Variants in LHX2 observed in about 807,000 individuals in gnomAD.
The protein encoded by LHX2 is LIM/homeobox protein Lhx2.
LHX2 carries 6 observed loss-of-function variants against 33.0 expected under a neutral mutation model. That is an observed-to-expected ratio of 0.18 (90% CI 0.10 to 0.36). The LOEUF is 0.36. Ranked by LOEUF, LHX2 falls within the 10% of genes least tolerant of loss-of-function variation. LHX2 has a pLI of 1.00. For missense variants in LHX2, 442 were observed against 586.2 expected (o/e 0.75, Z 2.54); for synonymous variants, 292 against 253.1 (o/e 1.15, Z -1.46).
chr9:124,013,730 G>A (rs2118744363), intron 1 of LHX2, among the ~76,000 whole-genome samples: 1 of 152,396 alleles, frequency 6.6e-6, no homozygotes, highest in Admixed American at 6.5e-5. Flanking sequence ...CAGGAGCCCG[G>A]CCTGGGCCCG....
rs142667113 is a variant in LHX2 at position 124,030,771 on chromosome 9, A to G, written c.934-1649A>G. On this transcript the variant is annotated intron_variant, in intron 4 of 4. Coordinates refer to ENST00000373615, the MANE Select transcript of LHX2 (RefSeq NM_004789.4). ...CTCAGCCTCCCGAGTAGCTGAGGTTACAGGAGCGCACCATCACACCCAGCT... is the reference window on the plus strand; with the variant it reads ...CTCAGCCTCCCGAGTAGCTGAGGTTGCAGGAGCGCACCATCACACCCAGCT... Among the ~76,000 whole-genome samples, 1,296 of 151,034 alleles carry G rather than the reference A, an allele frequency of 8.6e-3. 14 individuals carry two copies. Among genetic ancestry groups the G allele is most frequent in the African/African-American group, 0.03 (1,248 of 41,060 alleles).
At chr9:124,013,042 C>T (rs996191117) in intron 1 of LHX2, among the ~76,000 whole-genome samples, 4 of 152,250 alleles carry the variant, frequency 2.6e-5, no homozygotes, top group Non-Finnish European at 5.9e-5. Flanking sequence ...GTTCAGGCTC[C>T]GGCCTGGCCC....
rs1859100398 is a variant in LHX2, at chr9:124,012,172, C to T, written c.-177C>T. The T allele has an allele frequency of 2.4e-6, 1 of 424,786 alleles. No homozygotes were observed. The allele number at this position is 424,786 out of a possible 1,614,324, so 26.3% of individuals were successfully genotyped here. On this transcript the variant is annotated 5_prime_UTR_variant, in exon 1 of 5. Coordinates refer to ENST00000373615, the MANE Select transcript of LHX2 (RefSeq NM_004789.4). The surrounding 1 kb of genome is among the most constrained non-coding windows in gnomAD (Gnocchi z 4.3). ...CTGCGCCTCGGCGGGAGGCGTCCTG[C>T]CCCGCGAGCGCCCGGGGCCCGGAGC... is the stretch of plus-strand genomic sequence containing the variant.
chr9:124,024,085 GC>G (rs1828566551), intron 4 of LHX2, among the ~76,000 whole-genome samples: 1 of 152,240 alleles, frequency 6.6e-6, no homozygotes, highest in Non-Finnish European at 1.5e-5. Flanking sequence ...TCTTCTTTGA[GC>G]CAATCTGGCA....
intron 4 of LHX2, among the ~76,000 whole-genome samples, chr9:124,030,090 C>T (rs1202561316): frequency 6.6e-6 from 1 of 152,236 alleles, no homozygotes; most frequent in African/African-American, 2.4e-5. Context: ...GTGCCTTCTT[C>T]CTGGGAAGAT....
intron 3 of LHX2, among the ~76,000 whole-genome samples, chr9:124,018,329 G>T (rs1408147843): frequency 1.3e-5 from 2 of 148,418 alleles, no homozygotes; most frequent in Admixed American, 1.3e-4. Context: ...TCGGCCCCTC[G>T]CTCCTCCCCG....
intron 4 of LHX2, among the ~76,000 whole-genome samples, chr9:124,031,120 G>C (rs557406006): frequency 6.6e-6 from 1 of 152,124 alleles, no homozygotes; most frequent in East Asian, 1.9e-4. Context: ...AAGTCGATAC[G>C]GGATGCAGCA....
chr9:124,032,324 C>T lies in LHX2; in HGVS notation c.934-96C>T. 7.2e-7 allele frequency: 1 copy of T among 1,385,256 alleles called. No homozygotes were observed. The highest frequency in any genetic ancestry group is 2.4e-5 in the East Asian group (1 of 41,056). 85.8% of individuals were successfully genotyped at this position (1,385,256 alleles called of 1,614,324 possible). On this transcript the variant is annotated intron_variant, in intron 4 of 4. Transcript: ENST00000373615. This position sits in a 1 kb window ranked among gnomAD's most constrained non-coding sequence, Gnocchi z 4.1. Reference sequence around the variant, plus strand: ...TGGATCCTCTTGGCAAAACACAGATCAGCGTCCCCAGAGGCAGCAGAGCTC... The same window carrying T: ...TGGATCCTCTTGGCAAAACACAGATTAGCGTCCCCAGAGGCAGCAGAGCTC...
chr9:124,031,062 TCAGA>T (rs1340628551), intron 4 of LHX2, among the ~76,000 whole-genome samples: 7 of 152,294 alleles, frequency 4.6e-5, no homozygotes, highest in Non-Finnish European at 1.0e-4. Context: ...GACATTCTTT[TCAGA>T]CAGAGCTCAG....
At chr9:124,013,919 C>T in intron 1 of LHX2, 42 bp from the exon 2 acceptor site, 1 of 1,587,432 alleles carries the variant, frequency 6.3e-7, no homozygotes, top group Non-Finnish European at 8.6e-7. Context: ...GGGCCGCTGG[C>T]TGACGCAGGC....
At position 124,012,068 on chromosome 9, in the gene LHX2, C is replaced by T. The variant is rs1159045165; in HGVS notation, c.-281C>T. 5.5e-5 allele frequency: 9 copies of T among 164,578 alleles called. No individual in the cohort carries two copies. Among genetic ancestry groups the T allele is most frequent in the Non-Finnish European group, 7.9e-5 (6 of 76,326 alleles). The allele number at this position is 164,578 out of a possible 1,614,324, so 10.2% of individuals were successfully genotyped here. A position where few individuals can be genotyped will look rare whatever the true frequency, so the allele number is the denominator to read the frequency against. On this transcript the variant is annotated 5_prime_UTR_variant, in exon 1 of 5. Coordinates refer to ENST00000373615, the MANE Select transcript of LHX2 (RefSeq NM_004789.4). This position sits in a 1 kb window ranked among gnomAD's most constrained non-coding sequence, Gnocchi z 4.3. ...CCGACCTCTGTCCTAGTCTCCTGCT[C>T]CCCCCGCCCCGCTTGTCCCGTGCCC...
At chr9:124,028,432 G>C (rs902848181) in intron 4 of LHX2, among the ~76,000 whole-genome samples, 1 of 152,190 alleles carries the variant, frequency 6.6e-6, no homozygotes, top group Non-Finnish European at 1.5e-5. Context: ...GGTGGGTGGG[G>C]CAGACTGCAC....
Position 124,015,646 on chromosome 9 carries a change from G to T in LHX2, c.727+121G>T. Reference sequence around the variant, plus strand: ...AATAGCGAGCCTTAAGCACCGGACGGCCTCGCAGAAGGGACATTAGCCCCC... The same window carrying T: ...AATAGCGAGCCTTAAGCACCGGACGTCCTCGCAGAAGGGACATTAGCCCCC... On this transcript the variant is annotated intron_variant, in intron 3 of 4. Coordinates refer to ENST00000373615, the MANE Select transcript of LHX2 (RefSeq NM_004789.4). The surrounding 1 kb of genome is among the most constrained non-coding windows in gnomAD (Gnocchi z 7.9). 8.6e-7 allele frequency: 1 copy of T among 1,165,822 alleles called. No homozygotes were observed. Among genetic ancestry groups the T allele is most frequent in the Non-Finnish European group, 1.2e-6 (1 of 860,886 alleles). 72.2% of individuals were successfully genotyped at this position (1,165,822 alleles called of 1,614,324 possible). A position where few individuals can be genotyped will look rare whatever the true frequency, so the allele number is the denominator to read the frequency against.
chr9:124,015,092 C>T lies in LHX2; in HGVS notation c.324-30C>T. ...AAGGGGGGTACCCAACCGTGTGTTC[C>T]CACAGCCCCTCCCTCCATGGTCCCT... On this transcript the variant is annotated intron_variant, in intron 2 of 4. Transcript: ENST00000373615. The surrounding 1 kb of genome is among the most constrained non-coding windows in gnomAD (Gnocchi z 7.9). 3 of 1,605,634 alleles carry T rather than the reference C, an allele frequency of 1.9e-6. No homozygotes were observed. The highest frequency in any genetic ancestry group is 2.5e-6 in the Non-Finnish European group (3 of 1,178,620).
intron 4 of LHX2, among the ~76,000 whole-genome samples, chr9:124,029,472 C>T (rs551148981): frequency 1.6e-3 from 249 of 152,252 alleles, no homozygotes; most frequent in Non-Finnish European, 2.9e-3. Flanking sequence ...CCAGAGCAGC[C>T]GGGCTTTTAA....
At chr9:124,013,873 G>T in intron 1 of LHX2, 88 bp from the exon 2 acceptor site, 1 of 1,243,306 alleles carries the variant, frequency 8.0e-7, no homozygotes, top group Non-Finnish European at 1.1e-6. Flanking sequence ...CAAGGCCACA[G>T]AGGGAGTTGT....
chr9:124,025,243 C>G (rs1007858576), intron 4 of LHX2, among the ~76,000 whole-genome samples: 3 of 152,006 alleles, frequency 2.0e-5, no homozygotes, highest in Admixed American at 6.5e-5. Context: ...GAGATCGAAA[C>G]CATCCTGGCT....
At chr9:124,022,331 A>G (rs919144747) in intron 4 of LHX2, among the ~76,000 whole-genome samples, 1 of 152,220 alleles carries the variant, frequency 6.6e-6, no homozygotes, top group Non-Finnish European at 1.5e-5. Flanking sequence ...GGTAGCCAAT[A>G]ACAGCATTAA....
At chr9:124,030,691 G>A (rs1588353458) in intron 4 of LHX2, among the ~76,000 whole-genome samples, 1 of 147,656 alleles carries the variant, frequency 6.8e-6, no homozygotes, top group East Asian at 2.0e-4. Flanking sequence ...GAGTGCAGTG[G>A]TGGGATCTTG....
Sources: gnomAD v4.1 joint callset for allele counts (sites outside exome capture counted in the v4.1 genomes callset) on GRCh38, gnomAD v4.1.1 for gene constraint, Gnocchi (gnomAD v3.1) non-coding constraint, MANE v1.5 for transcripts, NCBI Gene and HGNC (gene_info 2026-07-23, HGNC 2026-07-21) for gene names.